MSH6: variants seen among roughly 807,000 people sequenced by gnomAD.
MSH6 encodes DNA mismatch repair protein Msh6.
Under a neutral mutation model 119.1 loss-of-function variants are expected in MSH6, and 85 were observed. That is an observed-to-expected ratio of 0.71 (90% confidence interval 0.60 to 0.85). The LOEUF is 0.85. Ranked by LOEUF, MSH6 falls within the 40% of genes least tolerant of loss-of-function variation. The pLI is 0.00. For synonymous variants in MSH6, 830 were observed against 586.9 expected (o/e 1.41, Z -5.99); for missense variants, 2,163 against 1,655.3 (o/e 1.31, Z -5.32).
rs374584843 is a variant in MSH6 at position 47,795,462 on chromosome 2, A to ATTTT, written c.458-418_458-415dup. ...TGTGTGTGTGTGTATACATATATAC[A>ATTTT]TTTTTTTTTTTTTTTTTCATCGAGA... On this transcript the variant is annotated intron_variant, in intron 2 of 9. Coordinates refer to ENST00000234420, the MANE Select transcript of MSH6 (RefSeq NM_000179.3). Among the ~76,000 whole-genome samples, 4 of 117,102 alleles carry ATTTT rather than the reference A, an allele frequency of 3.4e-5. 1 individual carries two copies. Among genetic ancestry groups the ATTTT allele is most frequent in the Admixed American group, 1.8e-4 (2 of 11,410 alleles). 76.8% of individuals were successfully genotyped at this position (117,102 alleles called of 152,430 possible).
At position 47,800,868 on chromosome 2, in the gene MSH6, T is replaced by A. The variant is rs778287080; in HGVS notation, c.2885T>A (p.Ile962Asn). The change falls in exon 4 of 10, where the codon ATT becomes AAT. Residue 962 changes from isoleucine (I) to asparagine (N), a missense_variant. Physicochemically the swap from Ile to Asn is moderately radical, Grantham distance 149. Transcript: ENST00000234420. ...TACCTAGAGAAACAGCGCAACAGAA[T>A]TGGCTGTAGGACCATAGTCTATTGG... ...LEYLEKQRNRIGCRTIVYWGI... is the reference protein window; with the variant it reads ...LEYLEKQRNRNGCRTIVYWGI... The A allele has an allele frequency of 6.2e-7, 1 of 1,613,688 alleles. No homozygotes were observed. Among genetic ancestry groups the A allele is most frequent in the Non-Finnish European group, 8.5e-7 (1 of 1,179,888 alleles).
At chr2:47,784,214 T>C (rs945251686) in intron 1 of MSH6, 1 of 1,003,472 alleles carries the variant, frequency 1.0e-6, no homozygotes, top group Middle Eastern at 4.9e-4. Context: ...GGAGCCGAAG[T>C]GCTGGGATCC....
Position 47,799,726 on chromosome 2 carries a change from A to C in MSH6, c.1743A>C (p.Arg581Ser). 1.2e-6 allele frequency: 2 copies of C among 1,614,172 alleles called. No homozygotes were observed. Among genetic ancestry groups the C allele is most frequent in the Non-Finnish European group, 1.7e-6 (2 of 1,180,030 alleles). The change falls in exon 4 of 10, where the codon AGA becomes AGC. Residue 581 changes from arginine (R) to serine (S), a missense_variant. By Grantham distance (110) the Arg-to-Ser change is moderately radical. Coordinates refer to ENST00000234420, the MANE Select transcript of MSH6 (RefSeq NM_000179.3). Reference protein sequence around the residue: ...GQFSDDRHCSRFRTLVAHYPP... With the variant: ...GQFSDDRHCSSFRTLVAHYPP... ...TTTCAGATGATCGCCATTGTTCGAG[A>C]TTTAGGACTCTAGTGGCACACTATC... is the stretch of plus-strand genomic sequence containing the variant.
intron 2 of MSH6, among the ~76,000 whole-genome samples, chr2:47,795,217 G>A (rs1668997383): frequency 6.6e-6 from 1 of 152,176 alleles, no homozygotes; most frequent in Non-Finnish European, 1.5e-5. Context: ...AGTCCTGGGT[G>A]AACCCATAGG....
intron 1 of MSH6, among the ~76,000 whole-genome samples, chr2:47,786,682 TTTC>T (rs1484846919): frequency 2.0e-5 from 3 of 152,176 alleles, no homozygotes; most frequent in African/African-American, 7.2e-5. Context: ...GTCATTTAGA[TTTC>T]TTCTTGTGCT....
At position 47,796,076 on chromosome 2, in the gene MSH6, A is replaced by G. The variant is rs1391362533; in HGVS notation, c.627+13A>G. 1.2e-6 allele frequency: 2 copies of G among 1,613,814 alleles called. No homozygotes were observed. Among genetic ancestry groups the G allele is most frequent in the African/African-American group, 2.7e-5 (2 of 74,890 alleles). On this transcript the variant is annotated intron_variant, in intron 3 of 9. Transcript: ENST00000234420. Reference sequence around the variant, plus strand: ...AGAAGAGATGGAGGTGGGACACGGCAAGCATTCAGTTGTTATTTATGTTAG... The same window carrying G: ...AGAAGAGATGGAGGTGGGACACGGCGAGCATTCAGTTGTTATTTATGTTAG...
chr2:47,783,521 C>G (rs1337480556), intron 1 of MSH6, 28 bp downstream of exon 1: 3 of 1,328,582 alleles, frequency 2.3e-6, no homozygotes, highest in Non-Finnish European at 2.9e-6. Context: ...GGGTCGAAGG[C>G]GGGGGCATAG....
rs63751009 is a variant in MSH6 at position 47,799,548 on chromosome 2, A to G, written c.1565A>G (p.Gln522Arg). 11 of 1,614,218 alleles carry G rather than the reference A, an allele frequency of 6.8e-6. No individual in the cohort carries two copies. The highest frequency in any genetic ancestry group is 2.2e-5 in the East Asian group (1 of 44,886). Residue 522 changes from glutamine (Q) to arginine (R), a missense_variant, in exon 4 of 10, where the codon CAG (glutamine) becomes CGG (arginine). By Grantham distance (43) the Gln-to-Arg change is conservative. Transcript: ENST00000234420. The part of the protein sequence containing the change: ...EICRIITKGT[Q>R]TYSVLEGDPS... ...TGTAGGATCATTACCAAGGGTACAC[A>G]GACTTACAGTGTGCTGGAAGGTGAT...
intron 6 of MSH6, 110 bp from the exon 7 acceptor site, chr2:47,805,508 A>C: frequency 1.2e-6 from 1 of 816,214 alleles, no homozygotes; most frequent in Non-Finnish European, 2.1e-6. Context: ...ATGAGATTTA[A>C]TCTTTTATAC....
In MSH6 at chr2:47,798,867, A is replaced by G. The variant is rs267608051; in HGVS notation, c.884A>G (p.Lys295Arg). 1.7e-4 allele frequency: 273 copies of G among 1,614,072 alleles called. No homozygotes were observed. The highest frequency in any genetic ancestry group is 2.2e-4 in the Non-Finnish European group (256 of 1,180,036). Reference protein sequence around the residue: ...SESEGLNSPVKVARKRKRMVT... With the variant: ...SESEGLNSPVRVARKRKRMVT... ...AGTGAAGGCCTGAACAGCCCTGTCA[A>G]AGTTGCTCGAAAGCGGAAGAGAATG... Residue 295 changes from lysine (K) to arginine (R), a missense_variant, in exon 4 of 10, where the codon AAA becomes AGA. Transcript: ENST00000234420.
chr2:47,803,779 AAGTC>A lies in MSH6; in HGVS notation c.3438+97_3438+100del, dbSNP rs1290901557. The A allele has an allele frequency of 1.1e-5, 16 of 1,478,282 alleles. 1 individual carries two copies. In the Admixed American group the frequency reaches 1.4e-4, roughly 13 times the overall value. 91.6% of individuals were successfully genotyped at this position (1,478,282 alleles called of 1,614,324 possible). A position where few individuals can be genotyped will look rare whatever the true frequency, so the allele number is the denominator to read the frequency against. ...TCATTTTCCAAACACAGTTACATAA[AAGTC>A]AGCCAGTGACTTAATAGGAAGCAAA... On this transcript the variant is annotated intron_variant, in intron 5 of 9. Transcript: ENST00000234420.
chr2:47,796,821 C>T lies in MSH6; in HGVS notation c.627+758C>T, dbSNP rs1337743010. Among the ~76,000 whole-genome samples the T allele has an allele frequency of 2.6e-5, 4 of 151,994 alleles. No homozygotes were observed. The East Asian group carries it at 5.8e-4, about 22-fold the overall frequency. ...ATAAAAAATACAAAAATTAGCTGGG[C>T]GTGGTGGCACACACCTGTAGTCCCA... is the stretch of plus-strand genomic sequence containing the variant. On this transcript the variant is annotated intron_variant, in intron 3 of 9. Transcript: ENST00000234420.
chr2:47,808,651 G>A (rs1044716944), downstream of MSH6: 1 of 442,128 alleles, frequency 2.3e-6, no homozygotes, highest in Non-Finnish European at 4.0e-6. Flanking sequence ...ATTGTATAAA[G>A]GCAGTTCTTT....
At chr2:47,795,816 C>G (rs1669045693) in intron 2 of MSH6, 78 bp from the exon 3 acceptor site, 6 of 1,258,132 alleles carry the variant, frequency 4.8e-6, no homozygotes, top group Non-Finnish European at 6.9e-6. Context: ...GTTGCCCAGG[C>G]TGGTCTTGAA....
chr2:47,805,860 G>A (rs1224292465), intron 7 of MSH6, among the ~76,000 whole-genome samples, 153 bp downstream of exon 7: 2 of 152,172 alleles, frequency 1.3e-5, no homozygotes, highest in Non-Finnish European at 1.5e-5. Flanking sequence ...GATAGTTGGA[G>A]ATAAAAGGTG....
At chr2:47,793,415 G>A (rs1232300289) in intron 2 of MSH6, among the ~76,000 whole-genome samples, 1 of 150,256 alleles carries the variant, frequency 6.7e-6, no homozygotes, top group South Asian at 2.1e-4. Flanking sequence ...GGATCACGAG[G>A]TCAGGCGTTC....
intron 3 of MSH6, among the ~76,000 whole-genome samples, chr2:47,796,780 G>A (rs960788454): frequency 6.6e-6 from 1 of 152,174 alleles, no homozygotes; most frequent in African/African-American, 2.4e-5. Context: ...GGCCAACACA[G>A]TGAAACCCTG....
intron 1 of MSH6, among the ~76,000 whole-genome samples, chr2:47,788,846 A>G (rs1167464043): frequency 1.2e-4 from 17 of 139,424 alleles, no homozygotes. Context: ...TGCTGGGATT[A>G]TAGGAGTGAG....
At chr2:47,806,990 TTTAATTC>T (rs1182907498), downstream of MSH6, 14 of 745,198 alleles carry the variant, frequency 1.9e-5, no homozygotes, top group Non-Finnish European at 3.0e-5. Flanking sequence ...ATTAAACCCT[TTTAATTC>T]TTATCTACCT....
Sources: gnomAD v4.1 joint callset for allele counts (sites outside exome capture counted in the v4.1 genomes callset) on GRCh38, gnomAD v4.1.1 for gene constraint, MANE v1.5 for transcripts, NCBI Gene and HGNC (gene_info 2026-07-23, HGNC 2026-07-21) for gene names.